Variants in AKT2 observed in about 807,000 individuals in gnomAD.
AKT2 encodes the protein RAC-beta serine/threonine-protein kinase.
AKT2 carries 16 observed loss-of-function variants against 58.6 expected under a neutral mutation model. The ratio of observed to expected loss-of-function variants is 0.27; its 90% CI spans 0.18 to 0.41. The LOEUF is 0.41. Among genes scored for constraint, AKT2 ranks in the 10% least tolerant of loss-of-function variants. The probability of loss-of-function intolerance (pLI) is 1.00; values close to 1 mark genes in which losing one functional copy is unlikely to be tolerated. For synonymous variants in AKT2, 253 were observed against 254.0 expected, an observed-to-expected ratio of 1.00 and a Z score of 0.04; for missense variants, 438 against 661.0, an observed-to-expected ratio of 0.66 and a Z score of 3.70.
intron 1 of AKT2, chr19:40,268,951 A>C (rs1976542903): frequency 2.6e-5 from 4 of 152,246 alleles, no homozygotes; most frequent in Admixed American, 2.6e-4. Flanking sequence ...ATATGGAGAA[A>C]TCTTGTCTCC....
chr19:40,232,044 C>T lies in AKT2; in HGVS notation c.*1828G>A. The T allele has an allele frequency of 4.3e-6, 1 of 233,768 alleles. No homozygotes were observed. Among genetic ancestry groups the T allele is most frequent in the Non-Finnish European group, 8.4e-6 (1 of 118,362 alleles). The allele number at this position is 233,768 out of a possible 1,614,324, so 14.5% of individuals were successfully genotyped here. On this transcript the variant is annotated 3_prime_UTR_variant, in exon 14 of 14. Coordinates refer to ENST00000392038, the MANE Select transcript of AKT2 (RefSeq NM_001626.6). Reference sequence around the variant, plus strand: ...CAGATCTTCCAGCCCTGTCCCTCCACCCCACCTCTCTTAGCCTAAGCAGCA... The same window carrying T: ...CAGATCTTCCAGCCCTGTCCCTCCATCCCACCTCTCTTAGCCTAAGCAGCA...
In AKT2 at chr19:40,238,963, T is replaced by C; in HGVS notation, c.650A>G (p.Tyr217Cys). 6.2e-7 allele frequency: 1 copy of C among 1,613,844 alleles called. No individual in the cohort carries two copies. Among genetic ancestry groups the C allele is most frequent in the African/African-American group, 1.3e-5 (1 of 75,004 alleles). Reference protein sequence around the residue: ...TRHPFLTALKYAFQTHDRLCF... With the variant: ...TRHPFLTALKCAFQTHDRLCF... ...CAGGCGGTCGTGGGTCTGGAAGGCA[T>C]ACTTCAGCGCCTGGGGGATGAAGGC... Residue 217 changes from tyrosine (Y) to cysteine (C), a missense_variant, in exon 8 of 14, where the codon TAT (tyrosine) becomes TGT (cysteine). This residue lies in a region of AKT2 where 244 missense variants were observed against 347.1 expected (regional missense o/e 0.70). Coordinates refer to ENST00000392038, the MANE Select transcript of AKT2 (RefSeq NM_001626.6). The surrounding 1 kb of genome is among the most constrained non-coding windows in gnomAD (Gnocchi z 5.1).
intron 1 of AKT2, among the ~76,000 whole-genome samples, chr19:40,268,034 G>A (rs189070487): frequency 6.6e-6 from 1 of 152,178 alleles, no homozygotes; most frequent in East Asian, 1.9e-4. Flanking sequence ...GGAGAAACAC[G>A]AGAGAGGTGG....
rs748020683 is a variant in AKT2 at position 40,233,993 on chromosome 19, G to C, written c.1367-42C>G. ...TGGATGGGGAGGACCAGTCAGGAGAGGGCCTGGGACACCTGCCCAGACTCC... is the reference window on the plus strand; with the variant it reads ...TGGATGGGGAGGACCAGTCAGGAGACGGCCTGGGACACCTGCCCAGACTCC... On this transcript the variant is annotated intron_variant, in intron 13 of 13. Transcript: ENST00000392038. The surrounding 1 kb of genome is among the most constrained non-coding windows in gnomAD (Gnocchi z 4.3). 6.3e-7 allele frequency: 1 copy of C among 1,595,368 alleles called. No homozygotes were observed. Among genetic ancestry groups the C allele is most frequent in the South Asian group, 1.1e-5 (1 of 90,512 alleles).
At chr19:40,251,592 GA>G (rs1211572643) in intron 4 of AKT2, among the ~76,000 whole-genome samples, 1 of 150,248 alleles carries the variant, frequency 6.7e-6, no homozygotes, top group East Asian at 1.9e-4. Context: ...TCTTGGGGAG[GA>G]AAAAAAAAGA....
In AKT2 at chr19:40,235,995, C is replaced by T. The variant is rs752039318; in HGVS notation, c.1070G>A (p.Arg357His). 5 of 1,614,086 alleles carry T rather than the reference C, an allele frequency of 3.1e-6. No individual in the cohort carries two copies. The highest frequency in any genetic ancestry group is 1.3e-5 in the African/African-American group (1 of 75,030). The part of the protein sequence containing the change: ...RLPFYNQDHE[R>H]LFELILMEEI... ...TTCCATGAGGATGAGCTCGAAGAGG[C>T]GCTCGTGGTCCTGGTTGTAGAAGGG... The change falls in exon 11 of 14, where the codon CGC becomes CAC. Residue 357 changes from arginine to histidine, a missense_variant. Arg to His is a conservative substitution (Grantham distance 29). Coordinates refer to ENST00000392038, the MANE Select transcript of AKT2 (RefSeq NM_001626.6). This position sits in a 1 kb window ranked among gnomAD's most constrained non-coding sequence, Gnocchi z 6.3.
chr19:40,262,133 G>A lies in AKT2; in HGVS notation c.46+3089C>T, dbSNP rs527490443. 4.6e-5 allele frequency among the ~76,000 whole-genome samples: 7 copies of A among 151,758 alleles called. No individual in the cohort carries two copies. In the South Asian group the frequency reaches 1.2e-3, roughly 27 times the overall value. On this transcript the variant is annotated intron_variant, in intron 2 of 13. Transcript: ENST00000392038. Reference sequence around the variant, plus strand: ...AAGAAAAGAAACCTAAAAGCTGAACGCAGTGGCTCACAACTGTAATCCCAG... The same window carrying A: ...AAGAAAAGAAACCTAAAAGCTGAACACAGTGGCTCACAACTGTAATCCCAG...
chr19:40,280,470 G>A (rs898131420), intron 1 of AKT2, among the ~76,000 whole-genome samples: 4 of 152,048 alleles, frequency 2.6e-5, no homozygotes, highest in East Asian at 3.9e-4. Flanking sequence ...ATCTACCCAC[G>A]CCCCCAGGCA....
chr19:40,264,021 G>T (rs1164420550), intron 2 of AKT2, among the ~76,000 whole-genome samples: 1 of 151,738 alleles, frequency 6.6e-6, no homozygotes, highest in Non-Finnish European at 1.5e-5. Context: ...ATGCATGTCT[G>T]CCTGGGAGCT....
rs1974503283 is a variant in AKT2, at chr19:40,242,942, T to C, written c.288-255A>G. ...GGCGGATGGATCACAAGGTCAGGAGTTCGAGACCAGCCTGGCCAACATGGT... is the reference window on the plus strand; with the variant it reads ...GGCGGATGGATCACAAGGTCAGGAGCTCGAGACCAGCCTGGCCAACATGGT... On this transcript the variant is annotated intron_variant, in intron 4 of 13. Coordinates refer to ENST00000392038, the MANE Select transcript of AKT2 (RefSeq NM_001626.6). This position sits in a 1 kb window ranked among gnomAD's most constrained non-coding sequence, Gnocchi z 4.3. The C allele has an allele frequency of 4.3e-6, 2 of 469,042 alleles. No individual in the cohort carries two copies. The highest frequency in any genetic ancestry group is 4.1e-5 in the East Asian group (1 of 24,414). 29.1% of individuals were successfully genotyped at this position (469,042 alleles called of 1,614,324 possible).
At chr19:40,244,699 T>A (rs1276752411) in intron 4 of AKT2, among the ~76,000 whole-genome samples, 2 of 152,186 alleles carry the variant, frequency 1.3e-5, no homozygotes, top group Non-Finnish European at 2.9e-5. Context: ...CAAATCCCAG[T>A]GATTTAAATA....
chr19:40,260,082 G>A (rs1040553315), intron 2 of AKT2, among the ~76,000 whole-genome samples: 1 of 152,084 alleles, frequency 6.6e-6, no homozygotes, highest in Non-Finnish European at 1.5e-5. Flanking sequence ...AACCCAGGAG[G>A]TGGAGGTTAC....
rs1568506090 is a variant in AKT2 at position 40,230,724 on chromosome 19, T to TTA, written c.*3147_*3148insTA. On this transcript the variant is annotated 3_prime_UTR_variant, in exon 14 of 14. Coordinates refer to ENST00000392038, the MANE Select transcript of AKT2 (RefSeq NM_001626.6). Reference sequence around the variant, plus strand: ...TTAATAGCATGTATCATGTTTTTTTTTTTTTTATTTTTAGAGACACAGTCT... The same window carrying TTA: ...TTAATAGCATGTATCATGTTTTTTTTTATTTTTTATTTTTAGAGACACAGTCT... 4.8e-6 allele frequency: 1 copy of TTA among 206,918 alleles called. No individual in the cohort carries two copies. Among genetic ancestry groups the TTA allele is most frequent in the African/African-American group, 2.3e-5 (1 of 43,756 alleles). The allele number at this position is 206,918 out of a possible 1,614,324, so 12.8% of individuals were successfully genotyped here. A position where few individuals can be genotyped will look rare whatever the true frequency, so the allele number is the denominator to read the frequency against.
Position 40,255,168 on chromosome 19 carries a change from G to C in AKT2, c.277C>G (p.Pro93Ala). ...VIERTFHVDS[P>A]DEREEWMRAI... ...GAGGCCCAGACTGACCTCTCGTCTG[G>C]AGAATCCACGTGGAAGGTCCTCTCG... Residue 93 changes from proline to alanine, a missense_variant, in exon 4 of 14, where the codon CCA (proline) becomes GCA (alanine). Physicochemically the swap from Pro to Ala is conservative, Grantham distance 27. Coordinates refer to ENST00000392038, the MANE Select transcript of AKT2 (RefSeq NM_001626.6). The C allele has an allele frequency of 6.2e-7, 1 of 1,613,848 alleles. No homozygotes were observed. Among genetic ancestry groups the C allele is most frequent in the Non-Finnish European group, 8.5e-7 (1 of 1,179,744 alleles).
rs548867671 is a variant in AKT2, at chr19:40,233,695, GGCAGGGGCT to G, written c.*168_*176del. ...CACAAAGGTGAGGCTGGAGGCTGGA[GGCAGGGGCT>G]GCAGGGGCCGCTGGGGTGCGTCTGG... On this transcript the variant is annotated 3_prime_UTR_variant, in exon 14 of 14. Transcript: ENST00000392038. This position sits in a 1 kb window ranked among gnomAD's most constrained non-coding sequence, Gnocchi z 4.3. The G allele has an allele frequency of 1.8e-5, 14 of 773,624 alleles. No individual in the cohort carries two copies. Among genetic ancestry groups the G allele is most frequent in the Non-Finnish European group, 3.0e-5 (13 of 429,302 alleles). 47.9% of individuals were successfully genotyped at this position (773,624 alleles called of 1,614,324 possible). A position where few individuals can be genotyped will look rare whatever the true frequency, so the allele number is the denominator to read the frequency against.
intron 1 of AKT2, among the ~76,000 whole-genome samples, chr19:40,273,266 G>A (rs113280155): frequency 1.7e-3 from 252 of 151,858 alleles, no homozygotes; most frequent in Admixed American, 4.2e-3. Context: ...GCTTGGACCC[G>A]GGAGGCAGAG....
intron 2 of AKT2, among the ~76,000 whole-genome samples, chr19:40,260,012 G>A (rs945743719): frequency 1.1e-4 from 17 of 152,256 alleles, no homozygotes; most frequent in African/African-American, 4.1e-4. Flanking sequence ...AATTAGCCGG[G>A]CGTGGTGGCA....
intron 1 of AKT2, among the ~76,000 whole-genome samples, chr19:40,284,088 G>A (rs1369689308): frequency 2.6e-5 from 4 of 152,130 alleles, no homozygotes; most frequent in Admixed American, 6.5e-5. Context: ...TTGAAAAGCA[G>A]CCCATTGGAG....
Position 40,285,285 on chromosome 19 carries a change from CCGGCAG to C in AKT2, c.-195_-190del, listed in dbSNP as rs938886418. The C allele has an allele frequency of 1.0e-5, 4 of 395,118 alleles. No homozygotes were observed. The highest frequency in any genetic ancestry group is 2.6e-4 in the South Asian group (2 of 7,836). The allele number at this position is 395,118 out of a possible 1,614,324, so 24.5% of individuals were successfully genotyped here. ...GTGTTTCCCGGCAGCGGCAACGGCG[CCGGCAG>C]CGGCAGCGGCGGCGGCGACGCCTCC... On this transcript the variant is annotated 5_prime_UTR_variant, in exon 1 of 14. Transcript: ENST00000392038.
Sources: allele counts gnomAD v4.1 joint callset (sites outside exome capture counted in the v4.1 genomes callset), GRCh38; gene constraint gnomAD v4.1.1; regional missense constraint gnomAD v4.1.1; non-coding constraint Gnocchi (gnomAD v3.1); transcripts MANE v1.5; gene names NCBI Gene and HGNC (gene_info 2026-07-23, HGNC 2026-07-21).